The following GSTCD variants were observed in gnomAD, a reference collection of about 807,000 sequenced individuals.
GSTCD encodes glutathione S-transferase C-terminal domain-containing protein.
Under a neutral mutation model 68.3 loss-of-function variants are expected in GSTCD, and 44 were observed. That is an observed-to-expected ratio of 0.64 (90% CI 0.51 to 0.83). The LOEUF (loss-of-function observed/expected upper bound fraction) is 0.83. Among genes scored for constraint, GSTCD ranks in the 40% least tolerant of loss-of-function variants. The pLI is 0.00. For missense variants in GSTCD, 739 were observed against 735.9 expected (o/e 1.00, Z -0.05); for synonymous variants, 273 against 255.2 (o/e 1.07, Z -0.67).
rs1322663341 is a variant in GSTCD, at chr4:105,826,962, T to C, written c.1530+1162T>C. ...TGACTACTGCAAATTTGGGGGTTTA[T>C]TGTAATTTTTTTCCAACCTAAAAAA... On this transcript the variant is annotated intron_variant, in intron 8 of 11. Coordinates refer to ENST00000515279, the MANE Select transcript of GSTCD (RefSeq NM_001370181.1). Among the ~76,000 whole-genome samples, 8 of 152,304 alleles carry C rather than the reference T, an allele frequency of 5.3e-5. No homozygotes were observed. In the South Asian group the frequency reaches 1.5e-3, roughly 28 times the overall value.
At chr4:105,728,913 A>G (rs921200440) in intron 4 of GSTCD, among the ~76,000 whole-genome samples, 2 of 152,198 alleles carry the variant, frequency 1.3e-5, no homozygotes, top group African/African-American at 4.8e-5. Flanking sequence ...ATTTTTCTCT[A>G]GTGACATTAA....
At chr4:105,812,136 T>C (rs1037660850) in intron 5 of GSTCD, among the ~76,000 whole-genome samples, 4 of 152,178 alleles carry the variant, frequency 2.6e-5, no homozygotes, top group Non-Finnish European at 5.9e-5. Flanking sequence ...GACATCTTTC[T>C]GATAAATGTT....
rs116260394 is a variant in GSTCD at position 105,749,548 on chromosome 4, C to T, written c.1240+20049C>T. Among the ~76,000 whole-genome samples, 1,287 of 150,550 alleles carry T rather than the reference C, an allele frequency of 8.5e-3. 18 individuals carry two copies. The highest frequency in any genetic ancestry group is 0.029 in the African/African-American group (1,190 of 41,058). ...AGAAGCATAAAATGCATAAAAGCAA[C>T]TCAATGGAAGAAGGATAGTCTTTTC... On this transcript the variant is annotated intron_variant, in intron 5 of 11. Coordinates refer to ENST00000515279, the MANE Select transcript of GSTCD (RefSeq NM_001370181.1).
intron 5 of GSTCD, among the ~76,000 whole-genome samples, chr4:105,803,012 G>T (rs1027882738): frequency 6.6e-6 from 1 of 152,006 alleles, no homozygotes; most frequent in African/African-American, 2.4e-5. Flanking sequence ...GGACTCTGCT[G>T]CAGTACTATT....
In GSTCD at chr4:105,726,730, C is replaced by T; in HGVS notation, c.1046C>T (p.Ser349Leu). ...CATTTACCAAAGTTGTTGACAACCTCAACTGAACAGCATCCAAACTTATGT... is the reference window on the plus strand; with the variant it reads ...CATTTACCAAAGTTGTTGACAACCTTAACTGAACAGCATCCAAACTTATGT... ...FLHLPKLLTT[S>L]TEQHPNLCEV... The change falls in exon 4 of 12, where the codon TCA becomes TTA. Residue 349 changes from serine (S) to leucine (L), a missense_variant. Transcript: ENST00000515279. The T allele has an allele frequency of 6.2e-7, 1 of 1,613,890 alleles. No individual in the cohort carries two copies. The highest frequency in any genetic ancestry group is 8.5e-7 in the Non-Finnish European group (1 of 1,179,892).
At chr4:105,773,346 G>A (rs528015746) in intron 5 of GSTCD, among the ~76,000 whole-genome samples, 16 of 151,976 alleles carry the variant, frequency 1.1e-4, no homozygotes, top group Admixed American at 7.2e-4. Flanking sequence ...GGTTTTTCAT[G>A]TCTCTGTCTC....
At chr4:105,833,742 A>G (rs1305214596) in intron 8 of GSTCD, among the ~76,000 whole-genome samples, 1 of 152,180 alleles carries the variant, frequency 6.6e-6, no homozygotes, top group African/African-American at 2.4e-5. Context: ...TAGTAAGATT[A>G]TAGTAAGTAT....
At chr4:105,795,114 G>A (rs972504387) in intron 5 of GSTCD, among the ~76,000 whole-genome samples, 6 of 152,114 alleles carry the variant, frequency 3.9e-5, no homozygotes, top group Admixed American at 6.5e-5. Flanking sequence ...GACCTCAGGT[G>A]ATCCACCCAC....
chr4:105,735,179 G>A (rs951937694), intron 5 of GSTCD, among the ~76,000 whole-genome samples: 1 of 152,148 alleles, frequency 6.6e-6, no homozygotes, highest in African/African-American at 2.4e-5. Flanking sequence ...CAAACTCTCT[G>A]CTGGGAGAAC....
Position 105,833,276 on chromosome 4 carries a change from C to T in GSTCD, c.1531-1185C>T, listed in dbSNP as rs866168258. 1.3e-4 allele frequency among the ~76,000 whole-genome samples: 20 copies of T among 152,230 alleles called. No homozygotes were observed. In the Middle Eastern group the frequency reaches 0.01, roughly 78 times the overall value. ...GGTCGGGAGTTGGAGACCAGCCTGA[C>T]CAACATGGTGAAACCCCATCTCTAC... On this transcript the variant is annotated intron_variant, in intron 8 of 11. Transcript: ENST00000515279.
At chr4:105,792,537 A>G (rs1430553650) in intron 5 of GSTCD, among the ~76,000 whole-genome samples, 2 of 152,092 alleles carry the variant, frequency 1.3e-5, no homozygotes. Flanking sequence ...TTAAGAAATC[A>G]GAATCCGGGC....
chr4:105,756,018 CAG>C (rs1734175430), intron 5 of GSTCD, among the ~76,000 whole-genome samples: 1 of 152,168 alleles, frequency 6.6e-6, no homozygotes, highest in African/African-American at 2.4e-5. Context: ...AAATAGCTCA[CAG>C]AATTCAGGGA....
At chr4:105,830,554 G>A (rs1056971298) in intron 8 of GSTCD, among the ~76,000 whole-genome samples, 1 of 151,994 alleles carries the variant, frequency 6.6e-6, no homozygotes, top group Admixed American at 6.6e-5. Context: ...CAATACAAGA[G>A]AAAAATTTTT....
chr4:105,768,000 A>G (rs915891359), intron 5 of GSTCD, among the ~76,000 whole-genome samples: 2 of 152,096 alleles, frequency 1.3e-5, no homozygotes, highest in African/African-American at 4.8e-5. Flanking sequence ...TTGTTCCACA[A>G]ATAAAAATAT....
intron 5 of GSTCD, among the ~76,000 whole-genome samples, chr4:105,805,836 C>G (rs988598068): frequency 4.6e-5 from 7 of 152,126 alleles, no homozygotes; most frequent in African/African-American, 1.2e-4. Flanking sequence ...TTTCCCTCCC[C>G]CTATGTAAGC....
chr4:105,833,052 AAGG>A (rs899775537), intron 8 of GSTCD, among the ~76,000 whole-genome samples: 5 of 152,188 alleles, frequency 3.3e-5, no homozygotes, highest in African/African-American at 1.2e-4. Flanking sequence ...GTAAGTCTAG[AAGG>A]AGGAGGAGGA....
At chr4:105,823,995 A>T (rs1723456491) in intron 7 of GSTCD, among the ~76,000 whole-genome samples, 1 of 152,160 alleles carries the variant, frequency 6.6e-6, no homozygotes, top group African/African-American at 2.4e-5. Context: ...GCCATGTTAA[A>T]TCAGTTCCTC....
At chr4:105,748,841 ATAATT>A (rs1733904662) in intron 5 of GSTCD, among the ~76,000 whole-genome samples, 1 of 152,050 alleles carries the variant, frequency 6.6e-6, no homozygotes, top group Non-Finnish European at 1.5e-5. Flanking sequence ...AATAGGAAAA[ATAATT>A]TAAACTGGCA....
chr4:105,785,514 A>G (rs1189323142), intron 5 of GSTCD, among the ~76,000 whole-genome samples: 1 of 152,182 alleles, frequency 6.6e-6, no homozygotes, highest in Non-Finnish European at 1.5e-5. Context: ...TATTTTGTTC[A>G]ATGAGTTGTG....
Sources: allele counts gnomAD v4.1 joint callset (sites outside exome capture counted in the v4.1 genomes callset), GRCh38; gene constraint gnomAD v4.1.1; transcripts MANE v1.5; gene names NCBI Gene and HGNC (gene_info 2026-07-23, HGNC 2026-07-21).